SLIT2: variants seen among roughly 807,000 people sequenced by gnomAD.
The protein encoded by SLIT2 is slit guidance ligand 2, also known as slit homolog 2 protein.
In SLIT2, 41 loss-of-function variants were observed where a neutral mutation model predicts 185.7. That is an observed-to-expected ratio of 0.22 (90% CI 0.17 to 0.29). SLIT2 has a LOEUF of 0.29. Among genes scored for constraint, SLIT2 ranks in the 10% least tolerant of loss-of-function variants. The pLI, the probability that SLIT2 is intolerant of heterozygous loss-of-function variation, is 1.00. For missense variants in SLIT2, 1,571 were observed against 1,909.0 expected, an observed-to-expected ratio of 0.82 and a Z score of 3.30; for synonymous variants, 693 against 680.2, an observed-to-expected ratio of 1.02 and a Z score of -0.29.
intron 9 of SLIT2, among the ~76,000 whole-genome samples, chr4:20,503,713 A>T (rs551395758): frequency 6.6e-6 from 1 of 152,312 alleles, no homozygotes; most frequent in Non-Finnish European, 1.5e-5. Flanking sequence ...TAAATGCTTA[A>T]AGACCAAATG....
At chr4:20,358,020 A>G (rs1412490827) in intron 4 of SLIT2, among the ~76,000 whole-genome samples, 1 of 152,104 alleles carries the variant, frequency 6.6e-6, no homozygotes, top group Non-Finnish European at 1.5e-5. Context: ...ATGGTTATTT[A>G]TAACATTCAC....
At chr4:20,603,297 G>A (rs561964931) in intron 33 of SLIT2, among the ~76,000 whole-genome samples, 4 of 152,226 alleles carry the variant, frequency 2.6e-5, no homozygotes, top group Admixed American at 1.3e-4. Flanking sequence ...CCCATAATTC[G>A]ATTATCTCCC....
In SLIT2 at chr4:20,511,279, T is replaced by C. The variant is rs867257948; in HGVS notation, c.1058+142T>C. ...AATAATGTTAATTATTATTAACCAC[T>C]TCTGGGTCCCATTATTTTTATGGAG... On this transcript the variant is annotated intron_variant, in intron 11 of 36. Coordinates refer to ENST00000504154, the MANE Select transcript of SLIT2 (RefSeq NM_004787.4). 42 of 533,098 alleles carry C rather than the reference T, an allele frequency of 7.9e-5. No individual in the cohort carries two copies. In the South Asian group the frequency reaches 8.9e-4, roughly 11 times the overall value. 33.0% of individuals were successfully genotyped at this position (533,098 alleles called of 1,614,324 possible).
intron 26 of SLIT2, among the ~76,000 whole-genome samples, chr4:20,563,011 A>C (rs1724818585): frequency 6.6e-6 from 1 of 151,776 alleles, no homozygotes; most frequent in South Asian, 2.1e-4. Flanking sequence ...TAGTGGTGTC[A>C]GGTGCGTAAC....
intron 4 of SLIT2, among the ~76,000 whole-genome samples, chr4:20,395,428 A>C (rs542167392): frequency 1.3e-5 from 2 of 152,052 alleles, no homozygotes; most frequent in African/African-American, 4.8e-5. Flanking sequence ...GGCATGGAAC[A>C]AAGGATATGG....
At chr4:20,342,378 G>C (rs1005023923) in intron 4 of SLIT2, among the ~76,000 whole-genome samples, 2 of 152,042 alleles carry the variant, frequency 1.3e-5, no homozygotes, top group African/African-American at 4.8e-5. Context: ...TTATAGTGTT[G>C]TTTATTTGAG....
At position 20,530,256 on chromosome 4, in the gene SLIT2, CCTTCCAGCACAATAG is replaced by C. The variant is rs1423248587; in HGVS notation, c.1613+1158_1613+1172del. 9.9e-5 allele frequency among the ~76,000 whole-genome samples: 15 copies of C among 152,028 alleles called. No homozygotes were observed. The East Asian group carries it at 2.7e-3, about 27-fold the overall frequency. On this transcript the variant is annotated intron_variant, in intron 16 of 36. Transcript: ENST00000504154. Reference sequence around the variant, plus strand: ...CCTATAATACTACAAACAAGTGATACCTTCCAGCACAATAGTACTTTTTTTTTTTTTGAGACAGAG... The same window carrying C: ...CCTATAATACTACAAACAAGTGATACTACTTTTTTTTTTTTTGAGACAGAG...
intron 4 of SLIT2, among the ~76,000 whole-genome samples, chr4:20,411,093 G>T (rs1348368080): frequency 6.6e-6 from 1 of 152,078 alleles, no homozygotes; most frequent in Non-Finnish European, 1.5e-5. Flanking sequence ...ATTTCTTTGA[G>T]CAGTGGTTTG....
chr4:20,482,219 C>T (rs1487140562), intron 6 of SLIT2, among the ~76,000 whole-genome samples: 1 of 151,822 alleles, frequency 6.6e-6, no homozygotes, highest in Non-Finnish European at 1.5e-5. Context: ...ATTATTAAAC[C>T]AGTGTTCCTA....
chr4:20,365,225 G>A (rs573350715), intron 4 of SLIT2, among the ~76,000 whole-genome samples: 23 of 152,136 alleles, frequency 1.5e-4, no homozygotes, highest in Admixed American at 1.0e-3. Flanking sequence ...TAACATTCCC[G>A]TATCAGTTAA....
intron 4 of SLIT2, among the ~76,000 whole-genome samples, chr4:20,293,435 G>A (rs1281047086): frequency 1.3e-5 from 2 of 152,198 alleles, no homozygotes; most frequent in African/African-American, 4.8e-5. Flanking sequence ...ATATTGTATG[G>A]TGGGTTTGGG....
At chr4:20,589,899 A>ATTTT (rs1727364507) in intron 30 of SLIT2, among the ~76,000 whole-genome samples, 162 bp downstream of exon 30, 1 of 127,652 alleles carries the variant, frequency 7.8e-6, no homozygotes, top group East Asian at 2.4e-4. Flanking sequence ...TACAATATGG[A>ATTTT]CTTTTTTTTT....
intron 29 of SLIT2, among the ~76,000 whole-genome samples, chr4:20,585,812 T>G (rs918833169): frequency 2.0e-5 from 3 of 152,164 alleles, no homozygotes; most frequent in Admixed American, 2.0e-4. Flanking sequence ...GCAAACTCAA[T>G]TCCCCTATTT....
At chr4:20,520,999 A>C (rs568504574) in intron 12 of SLIT2, among the ~76,000 whole-genome samples, 20 of 152,186 alleles carry the variant, frequency 1.3e-4, no homozygotes, top group Admixed American at 3.9e-4. Context: ...CATTGTAGAT[A>C]TAGCTTGATG....
chr4:20,257,093 ATATT>A (rs1711928293), intron 2 of SLIT2, among the ~76,000 whole-genome samples: 1 of 152,148 alleles, frequency 6.6e-6, no homozygotes, highest in Admixed American at 6.5e-5. Context: ...ATTAACTAAA[ATATT>A]TAAGTGGATC....
At chr4:20,498,871 A>G (rs1718457077) in intron 9 of SLIT2, among the ~76,000 whole-genome samples, 1 of 152,224 alleles carries the variant, frequency 6.6e-6, no homozygotes, top group African/African-American at 2.4e-5. Flanking sequence ...TACTGCTACG[A>G]TAAACATATG....
chr4:20,309,994 C>T (rs533417837), intron 4 of SLIT2, among the ~76,000 whole-genome samples: 1 of 152,118 alleles, frequency 6.6e-6, no homozygotes, highest in Admixed American at 6.5e-5. Flanking sequence ...ATCTCCTGAC[C>T]TCGTGATCTG....
At chr4:20,260,649 A>T (rs1712353050) in intron 3 of SLIT2, among the ~76,000 whole-genome samples, 1 of 111,538 alleles carries the variant, frequency 9.0e-6, no homozygotes, top group Non-Finnish European at 1.9e-5. Context: ...ACAGAAGATA[A>T]AGATCTGTAC....
chr4:20,261,089 T>A (rs949153037), intron 3 of SLIT2, among the ~76,000 whole-genome samples: 3 of 151,886 alleles, frequency 2.0e-5, no homozygotes, highest in Non-Finnish European at 4.4e-5. Flanking sequence ...AGTTTGTTTC[T>A]GCACTCTCAG....
Sources: allele counts gnomAD v4.1 joint callset (sites outside exome capture counted in the v4.1 genomes callset), GRCh38; gene constraint gnomAD v4.1.1; transcripts MANE v1.5; gene names NCBI Gene and HGNC (gene_info 2026-07-23, HGNC 2026-07-21).